MTA3: variants seen among roughly 807,000 people sequenced by gnomAD.
MTA3 encodes the protein metastasis associated 1 family member 3.
Under a neutral mutation model 83.5 loss-of-function variants are expected in MTA3, and 34 were observed. That is an observed-to-expected ratio of 0.41 (90% CI 0.31 to 0.54). MTA3 has a LOEUF of 0.54. Among genes scored for constraint, MTA3 ranks in the 20% least tolerant of loss-of-function variants. The pLI is 0.33. For synonymous variants in MTA3, 303 were observed against 252.7 expected (o/e 1.20, Z -1.89); for missense variants, 761 against 726.4 (o/e 1.05, Z -0.55).
chr2:42,500,895 C>T (rs1674365889), intron 2 of MTA3, among the ~76,000 whole-genome samples: 1 of 150,974 alleles, frequency 6.6e-6, no homozygotes, highest in Non-Finnish European at 1.5e-5. Flanking sequence ...ACTGCAAGCT[C>T]TGCCTCCCGG....
intron 2 of MTA3, among the ~76,000 whole-genome samples, chr2:42,513,868 T>C (rs1192820536): frequency 1.3e-5 from 2 of 152,182 alleles, no homozygotes; most frequent in African/African-American, 4.8e-5. Context: ...AATCCAGCAA[T>C]GCTGGCCTCC....
intron 2 of MTA3, among the ~76,000 whole-genome samples, chr2:42,499,877 T>C (rs1386236014): frequency 1.3e-5 from 2 of 151,910 alleles, no homozygotes; most frequent in South Asian, 4.1e-4. Context: ...TGTATACTCA[T>C]CTCCAAACCC....
At chr2:42,541,711 T>A (rs1676522817) in intron 2 of MTA3, among the ~76,000 whole-genome samples, 1 of 152,190 alleles carries the variant, frequency 6.6e-6, no homozygotes. Context: ...TCAGTAACCT[T>A]GTTTCAGTCA....
chr2:42,521,257 C>T (rs35238110), intron 2 of MTA3, among the ~76,000 whole-genome samples: 56,283 of 151,898 alleles, frequency 0.37, 10,597 homozygotes, highest in African/African-American at 0.43. Flanking sequence ...GAGAGGCCTA[C>T]GCAGAAAGGA....
intron 3 of MTA3, among the ~76,000 whole-genome samples, chr2:42,596,398 TA>T (rs992524845): frequency 4.6e-5 from 7 of 152,250 alleles, no homozygotes; most frequent in African/African-American, 1.7e-4. Context: ...AACTTTCATT[TA>T]AAAGGACATT....
intron 16 of MTA3, among the ~76,000 whole-genome samples, chr2:42,734,322 C>T (rs1436214602): frequency 6.6e-6 from 1 of 151,050 alleles, no homozygotes; most frequent in Non-Finnish European, 1.5e-5. Context: ...GTCTTTAAAT[C>T]TTTTTTGTCT....
intron 2 of MTA3, among the ~76,000 whole-genome samples, chr2:42,561,618 C>G (rs772730892): frequency 6.6e-6 from 1 of 152,030 alleles, no homozygotes; most frequent in Non-Finnish European, 1.5e-5. Flanking sequence ...CCACCGAGCC[C>G]GGCCCCAGGT....
intron 2 of MTA3, among the ~76,000 whole-genome samples, chr2:42,529,253 G>A (rs1174138061): frequency 6.6e-6 from 1 of 152,156 alleles, no homozygotes; most frequent in Non-Finnish European, 1.5e-5. Flanking sequence ...GACCAGCTAG[G>A]CCTCTTTACT....
At chr2:42,733,196 G>A (rs1055607138) in intron 16 of MTA3, among the ~76,000 whole-genome samples, 3 of 152,158 alleles carry the variant, frequency 2.0e-5, no homozygotes, top group African/African-American at 7.2e-5. Context: ...AAGAAAAAGA[G>A]GTTTAATTGG....
At chr2:42,555,155 A>T (rs1677316991) in intron 2 of MTA3, among the ~76,000 whole-genome samples, 2 of 151,974 alleles carry the variant, frequency 1.3e-5, no homozygotes, top group African/African-American at 4.8e-5. Flanking sequence ...AGGAAAATGC[A>T]GTAGCACAGT....
chr2:42,591,093 G>A (rs1490531830), intron 3 of MTA3, among the ~76,000 whole-genome samples: 1 of 125,360 alleles, frequency 8.0e-6, no homozygotes, highest in Non-Finnish European at 1.6e-5. Flanking sequence ...ACATCATAGA[G>A]TGTACTTACA....
At chr2:42,628,206 T>TTTTATTTATTTATTTATTTATTTA (rs144338385) in intron 4 of MTA3, among the ~76,000 whole-genome samples, 4 of 142,596 alleles carry the variant, frequency 2.8e-5, no homozygotes, top group Admixed American at 7.2e-5. Context: ...CTTCTTATCG[T>TTTTATTTATTTATTTATTTATTTA]TTTATTTATT....
chr2:42,711,043 C>T (rs1666564099), intron 14 of MTA3, among the ~76,000 whole-genome samples: 1 of 152,058 alleles, frequency 6.6e-6, no homozygotes, highest in African/African-American at 2.4e-5. Context: ...CATGCCACCG[C>T]ACTCCAGCCT....
intron 3 of MTA3, among the ~76,000 whole-genome samples, chr2:42,588,795 G>A (rs977029020): frequency 9.4e-6 from 1 of 106,516 alleles, no homozygotes; most frequent in Non-Finnish European, 1.8e-5. Flanking sequence ...GTATACACAT[G>A]TATGTATTAT....
chr2:42,666,635 A>G (rs1690258700), intron 8 of MTA3, among the ~76,000 whole-genome samples: 1 of 152,192 alleles, frequency 6.6e-6, no homozygotes, highest in Non-Finnish European at 1.5e-5. Flanking sequence ...TGATGTGCTT[A>G]TGTAGAGAGC....
chr2:42,562,632 A>T (rs1349366601), intron 2 of MTA3, among the ~76,000 whole-genome samples: 1 of 152,032 alleles, frequency 6.6e-6, no homozygotes, highest in Non-Finnish European at 1.5e-5. Context: ...CTGGACTCTG[A>T]TCTCCTGAAC....
intron 8 of MTA3, among the ~76,000 whole-genome samples, chr2:42,664,212 T>C (rs1011488257): frequency 1.3e-5 from 2 of 152,208 alleles, no homozygotes; most frequent in African/African-American, 4.8e-5. Flanking sequence ...TTCCTTCTCA[T>C]ACTGCTTTAG....
At chr2:42,749,443 A>G (rs938441631) in intron 16 of MTA3, among the ~76,000 whole-genome samples, 8 of 152,142 alleles carry the variant, frequency 5.3e-5, no homozygotes, top group East Asian at 1.9e-4. Flanking sequence ...TAGTACTTTC[A>G]AACAGTTGTT....
At chr2:42,590,648 G>A (rs1227456409) in intron 3 of MTA3, among the ~76,000 whole-genome samples, 3 of 122,398 alleles carry the variant, frequency 2.5e-5, no homozygotes, top group East Asian at 2.3e-4. Context: ...GTGGAGTCTC[G>A]CTCGCTCTGT....
Sources: allele counts gnomAD v4.1 joint callset (sites outside exome capture counted in the v4.1 genomes callset), GRCh38; gene constraint gnomAD v4.1.1; transcripts MANE v1.5; gene names NCBI Gene and HGNC (gene_info 2026-07-23, HGNC 2026-07-21).